The following TSG101 variants were observed in gnomAD, a reference collection of about 807,000 sequenced individuals.
TSG101 encodes tumor susceptibility 101, also known as tumor susceptibility gene 101 protein.
TSG101 carries 19 observed loss-of-function variants against 48.5 expected under a neutral mutation model. The ratio of observed to expected loss-of-function variants is 0.39; its 90% CI spans 0.27 to 0.58. The LOEUF (loss-of-function observed/expected upper bound fraction) is 0.58. TSG101 is among the 20% of genes least tolerant of loss of function. TSG101 has a pLI of 0.55. For synonymous variants in TSG101, 174 were observed against 169.4 expected, an observed-to-expected ratio of 1.03 and a Z score of -0.21; for missense variants, 365 against 484.4, an observed-to-expected ratio of 0.75 and a Z score of 2.31.
intron 8 of TSG101, among the ~76,000 whole-genome samples, chr11:18,482,454 C>T (rs933651760): frequency 2.0e-5 from 3 of 152,202 alleles, no homozygotes; most frequent in African/African-American, 7.2e-5. Flanking sequence ...AATCACTTTC[C>T]ACAAAGCCCT....
intron 7 of TSG101, among the ~76,000 whole-genome samples, chr11:18,494,488 C>A (rs145391976): frequency 6.6e-6 from 1 of 152,236 alleles, no homozygotes; most frequent in African/African-American, 2.4e-5. Flanking sequence ...TACACAATAG[C>A]TTTTTTAAAA....
At chr11:18,490,794 G>A (rs745404071) in intron 7 of TSG101, 17 of 525,846 alleles carry the variant, frequency 3.2e-5, no homozygotes, top group East Asian at 9.7e-5. Context: ...GGAAAGCAGC[G>A]GGCACCAACC....
chr11:18,503,310 A>G (rs2133919419), intron 6 of TSG101, among the ~76,000 whole-genome samples: 1 of 152,300 alleles, frequency 6.6e-6, no homozygotes, highest in African/African-American at 2.4e-5. Flanking sequence ...GAGACTCCTA[A>G]AACTCGAATA....
At chr11:18,517,498 T>C (rs1465521628) in intron 2 of TSG101, among the ~76,000 whole-genome samples, 3 of 152,196 alleles carry the variant, frequency 2.0e-5, no homozygotes, top group African/African-American at 4.8e-5. Context: ...CATAGAACTA[T>C]AGCCATCTAC....
chr11:18,483,446 A>C (rs1565080720), intron 8 of TSG101, among the ~76,000 whole-genome samples: 1 of 150,746 alleles, frequency 6.6e-6, no homozygotes, highest in Non-Finnish European at 1.5e-5. Context: ...CAGTGAGCCA[A>C]GATTGCACCA....
At chr11:18,522,563 T>TA (rs1850295351) in intron 1 of TSG101, among the ~76,000 whole-genome samples, 1 of 152,228 alleles carries the variant, frequency 6.6e-6, no homozygotes, top group Non-Finnish European at 1.5e-5. Flanking sequence ...ACAGCCTCCT[T>TA]ACGTGTCTCT....
intron 6 of TSG101, 42 bp from the exon 7 acceptor site, chr11:18,502,619 C>A: frequency 6.7e-7 from 1 of 1,485,622 alleles, no homozygotes; most frequent in East Asian, 2.3e-5. Context: ...TAAGATGACC[C>A]AACCTTATAG....
rs933970123 is a variant in TSG101 at position 18,514,553 on chromosome 11, G to C, written c.357+125C>G. ...TTTTCTAATTTACCCTCAACTCAGT[G>C]ATTAGTCCATTATCTGAACTTATCT... On this transcript the variant is annotated intron_variant, in intron 4 of 9. Coordinates refer to ENST00000251968, the MANE Select transcript of TSG101 (RefSeq NM_006292.4). 7.7e-6 allele frequency: 5 copies of C among 650,368 alleles called. No homozygotes were observed. The Middle Eastern group carries it at 1.4e-3, about 180-fold the overall frequency. The allele number at this position is 650,368 out of a possible 1,614,324, so 40.3% of individuals were successfully genotyped here.
At chr11:18,499,398 A>ATT (rs1453156165) in intron 7 of TSG101, among the ~76,000 whole-genome samples, 39 of 5,006 alleles carry the variant, frequency 7.8e-3, no homozygotes, top group African/African-American at 0.015. Flanking sequence ...ATATATATAT[A>ATT]TATATTTTTT....
At chr11:18,513,652 T>C (rs1378865779) in intron 4 of TSG101, among the ~76,000 whole-genome samples, 2 of 152,188 alleles carry the variant, frequency 1.3e-5, no homozygotes, top group Non-Finnish European at 2.9e-5. Context: ...AAAGTCCTAG[T>C]TACTTTGGTA....
chr11:18,519,853 T>C (rs879734298), intron 1 of TSG101, among the ~76,000 whole-genome samples: 2 of 152,194 alleles, frequency 1.3e-5, no homozygotes, highest in Non-Finnish European at 2.9e-5. Context: ...AGTCCACACA[T>C]TGCATTGGTT....
chr11:18,522,124 T>G (rs189405483), intron 1 of TSG101, among the ~76,000 whole-genome samples: 8 of 152,346 alleles, frequency 5.3e-5, no homozygotes, highest in South Asian at 2.1e-4. Flanking sequence ...GTCCTTGGTC[T>G]TCTTCTCTAT....
At chr11:18,524,484 C>A (rs1361890040) in intron 1 of TSG101, among the ~76,000 whole-genome samples, 2 of 152,236 alleles carry the variant, frequency 1.3e-5, no homozygotes, top group African/African-American at 4.8e-5. Context: ...ACCACACCAG[C>A]TGAAAGGAAA....
chr11:18,498,563 G>A lies in TSG101; in HGVS notation c.640+3923C>T, dbSNP rs1367191892. On this transcript the variant is annotated intron_variant, in intron 7 of 9. Coordinates refer to ENST00000251968, the MANE Select transcript of TSG101 (RefSeq NM_006292.4). ...TAGAGTAGGTAACAATGGAGATGGG[G>A]CAGGTGTTAGGAAGATTGAGAATTC... Among the ~76,000 whole-genome samples, 3 of 152,156 alleles carry A rather than the reference G, an allele frequency of 2.0e-5. No homozygotes were observed. The East Asian group carries it at 5.8e-4, about 29-fold the overall frequency.
chr11:18,481,377 T>TA (rs1849536752), intron 9 of TSG101: 2 of 1,260,722 alleles, frequency 1.6e-6, no homozygotes, highest in East Asian at 7.1e-5. Flanking sequence ...ACAGAAGAGT[T>TA]ACACTCATCT....
intron 2 of TSG101, among the ~76,000 whole-genome samples, chr11:18,516,437 T>C (rs1850175211): frequency 6.6e-6 from 1 of 151,778 alleles, no homozygotes; most frequent in Admixed American, 6.6e-5. Context: ...CTCCACCTCC[T>C]GGGTTCAAGC....
chr11:18,483,511 A>G (rs61886142), intron 8 of TSG101, among the ~76,000 whole-genome samples: 2 of 141,086 alleles, frequency 1.4e-5, no homozygotes, highest in Admixed American at 7.1e-5. Flanking sequence ...AAAAAAAAAA[A>G]GGAGTGCCTT....
intron 3 of TSG101, 126 bp from the exon 4 acceptor site, chr11:18,514,967 T>G: frequency 1.2e-6 from 1 of 848,852 alleles, no homozygotes; most frequent in Non-Finnish European, 1.7e-6. Context: ...CCATTCCTAT[T>G]TCCCCCAGCA....
rs573872668 is a variant in TSG101, at chr11:18,480,567, G to A, written c.1152C>T (p.Ala384=). 38 of 1,613,722 alleles carry A rather than the reference G, an allele frequency of 2.4e-5. No homozygotes were observed. The highest frequency in any genetic ancestry group is 6.7e-5 in the East Asian group (3 of 44,888). ...GAAGTCAGTAGAGGTCACTGAGACC[G>A]GCAGTCTTTCTTGCTTTTTGCATTA... ...RALMQKARKT[A]GLSDLY Residue 384 remains alanine, a synonymous_variant, in exon 10 of 10, where the codon GCC becomes GCT. Coordinates refer to ENST00000251968, the MANE Select transcript of TSG101 (RefSeq NM_006292.4).
Sources: gnomAD v4.1 joint callset for allele counts (sites outside exome capture counted in the v4.1 genomes callset) on GRCh38, gnomAD v4.1.1 for gene constraint, MANE v1.5 for transcripts, NCBI Gene and HGNC (gene_info 2026-07-23, HGNC 2026-07-21) for gene names.